The following LHFPL2 variants were observed in gnomAD, a reference collection of about 807,000 sequenced individuals.
LHFPL2 encodes the protein LHFPL tetraspan subfamily member 2, also known as LHFPL tetraspan subfamily member 2 protein.
In LHFPL2, 7 loss-of-function variants were observed where a neutral mutation model predicts 17.5. The observed-to-expected ratio is 0.40, with a 90% CI of 0.23 to 0.75. LHFPL2 has a LOEUF of 0.75. Among genes scored for constraint, LHFPL2 ranks in the 30% least tolerant of loss-of-function variants. LHFPL2 has a pLI of 0.37. For missense variants in LHFPL2, 241 were observed against 294.8 expected (o/e 0.82, Z 1.34); for synonymous variants, 134 against 116.2 (o/e 1.15, Z -0.99).
At position 78,488,803 on chromosome 5, in the gene LHFPL2, G is replaced by A; in HGVS notation, c.*94C>T. On this transcript the variant is annotated 3_prime_UTR_variant, in exon 5 of 5. Transcript: ENST00000380345. ...CGGGCCGTGGAACGTGGCTTTGGTA[G>A]GTAAAGGTTAGTTCTCCACTTGACT... The A allele has an allele frequency of 6.9e-7, 1 of 1,446,668 alleles. No homozygotes were observed. The highest frequency in any genetic ancestry group is 9.4e-7 in the Non-Finnish European group (1 of 1,059,126). The allele number at this position is 1,446,668 out of a possible 1,614,324, so 89.6% of individuals were successfully genotyped here.
chr5:78,645,543 T>TACACATACAC lies in LHFPL2; in HGVS notation c.-350+2955_-350+2956insGTGTATGTGT, dbSNP rs71613976. ...ACCCCAAGATAGACAGACAGATGCA[T>TACACATACAC]ACACACACACACACACACACACACA... On this transcript the variant is annotated intron_variant, in intron 1 of 4. Transcript: ENST00000380345. Among the ~76,000 whole-genome samples, 158 of 137,326 alleles carry TACACATACAC rather than the reference T, an allele frequency of 1.2e-3. 1 individual carries two copies. The highest frequency in any genetic ancestry group is 7.3e-3 in the Middle Eastern group (2 of 274). 90.1% of individuals were successfully genotyped at this position (137,326 alleles called of 152,430 possible). A position where few individuals can be genotyped will look rare whatever the true frequency, so the allele number is the denominator to read the frequency against.
chr5:78,547,029 A>T (rs1302426406), intron 3 of LHFPL2, among the ~76,000 whole-genome samples: 1 of 150,944 alleles, frequency 6.6e-6, no homozygotes, highest in East Asian at 1.9e-4. Flanking sequence ...AAAAAAAAAA[A>T]GTAGGGGGTT....
At chr5:78,519,679 G>C (rs1254490720) in intron 3 of LHFPL2, among the ~76,000 whole-genome samples, 2 of 152,228 alleles carry the variant, frequency 1.3e-5, no homozygotes, top group Non-Finnish European at 1.5e-5. Flanking sequence ...GTTAAAGTAA[G>C]TATCAAGCTT....
At chr5:78,602,342 G>A (rs1026526467) in intron 2 of LHFPL2, among the ~76,000 whole-genome samples, 9 of 152,180 alleles carry the variant, frequency 5.9e-5, no homozygotes, top group Non-Finnish European at 8.8e-5. Context: ...TTGCAAAACC[G>A]AAACAACTTA....
In LHFPL2 at chr5:78,509,844, C is replaced by T. The variant is rs1267863211; in HGVS notation, c.370G>A (p.Val124Ile). 1 of 1,614,022 alleles carries T rather than the reference C, an allele frequency of 6.2e-7. No individual in the cohort carries two copies. The highest frequency in any genetic ancestry group is 8.5e-7 in the Non-Finnish European group (1 of 1,180,058). ...VALVSVFTMC[V>I]QSIMKKSIFN... Reference sequence around the variant, plus strand: ...ATGCTTTTCTTCATGATGCTCTGTACACACATGGTGAAGACGGACACCAAG... The same window carrying T: ...ATGCTTTTCTTCATGATGCTCTGTATACACATGGTGAAGACGGACACCAAG... The change falls in exon 4 of 5, where the codon GTA becomes ATA. Residue 124 changes from valine to isoleucine, a missense_variant. Transcript: ENST00000380345.
At chr5:78,520,832 C>T (rs968470009) in intron 3 of LHFPL2, among the ~76,000 whole-genome samples, 5 of 152,186 alleles carry the variant, frequency 3.3e-5, no homozygotes, top group African/African-American at 7.2e-5. Flanking sequence ...AAATGAGGCC[C>T]CCCTGCCCCG....
At chr5:78,535,647 T>TGCAGTAGGTGGGTGAG (rs1461399758) in intron 3 of LHFPL2, among the ~76,000 whole-genome samples, 4 of 152,178 alleles carry the variant, frequency 2.6e-5, no homozygotes, top group African/African-American at 9.7e-5. Flanking sequence ...ATGCTGATGC[T>TGCAGTAGGTGGGTGAG]GCAGTAGGTG....
rs184680416 is a variant in LHFPL2 at position 78,523,779 on chromosome 5, A to G, written c.-185-13381T>C. On this transcript the variant is annotated intron_variant, in intron 3 of 4. Coordinates refer to ENST00000380345, the MANE Select transcript of LHFPL2 (RefSeq NM_005779.3). ...TCAAAATGTTGCGCGCTGCAGTTTC[A>G]CTAGATTCTCAATTTCTCAACCCCA... Among the ~76,000 whole-genome samples the G allele has an allele frequency of 3.1e-4, 47 of 152,328 alleles. No individual in the cohort carries two copies. The East Asian group carries it at 8.3e-3, about 27-fold the overall frequency.
At chr5:78,576,088 T>G (rs200191400) in intron 2 of LHFPL2, among the ~76,000 whole-genome samples, 38 of 151,050 alleles carry the variant, frequency 2.5e-4, no homozygotes, top group Admixed American at 2.1e-3. Context: ...GAGGTCAGGA[T>G]ATCGAGACCA....
intron 3 of LHFPL2, among the ~76,000 whole-genome samples, chr5:78,550,564 T>A (rs368692518): frequency 4.0e-5 from 6 of 150,660 alleles, no homozygotes; most frequent in African/African-American, 1.2e-4. Flanking sequence ...TTTTATTTAT[T>A]TTTATTTATT....
chr5:78,496,230 C>T (rs181777297), intron 4 of LHFPL2, among the ~76,000 whole-genome samples: 1 of 152,310 alleles, frequency 6.6e-6, no homozygotes, highest in East Asian at 1.9e-4. Context: ...TCTCCCACAC[C>T]CAGCACACTT....
chr5:78,640,296 C>G (rs141485751), intron 1 of LHFPL2, among the ~76,000 whole-genome samples: 2 of 152,300 alleles, frequency 1.3e-5, no homozygotes, highest in African/African-American at 4.8e-5. Context: ...AAACACCTCT[C>G]AAATCACACT....
chr5:78,529,489 G>C lies in LHFPL2; in HGVS notation c.-185-19091C>G, dbSNP rs1054626854. On this transcript the variant is annotated intron_variant, in intron 3 of 4. Coordinates refer to ENST00000380345, the MANE Select transcript of LHFPL2 (RefSeq NM_005779.3). ...ACACATTGCCCCTGGAAAGCATTTT[G>C]CAGCCTAGCAGTAACAGGGGGTTGG... Among the ~76,000 whole-genome samples the C allele has an allele frequency of 2.0e-5, 3 of 152,192 alleles. No homozygotes were observed. The South Asian group carries it at 6.2e-4, about 32-fold the overall frequency.
intron 3 of LHFPL2, among the ~76,000 whole-genome samples, chr5:78,541,183 A>G (rs1412785396): frequency 2.6e-5 from 4 of 151,840 alleles, no homozygotes; most frequent in South Asian, 2.1e-4. Flanking sequence ...TTCACCCCAG[A>G]CTCTAAATCC....
chr5:78,513,685 T>A (rs933193724), intron 3 of LHFPL2, among the ~76,000 whole-genome samples: 2 of 152,176 alleles, frequency 1.3e-5, no homozygotes, highest in Admixed American at 6.5e-5. Flanking sequence ...GTTCTCATGG[T>A]AGTGAATAAG....
intron 2 of LHFPL2, among the ~76,000 whole-genome samples, chr5:78,588,358 C>G (rs1580836911): frequency 3.9e-5 from 6 of 152,154 alleles, no homozygotes; most frequent in Admixed American, 1.3e-4. Context: ...AATTTAACAG[C>G]AAACATTTCT....
intron 2 of LHFPL2, among the ~76,000 whole-genome samples, chr5:78,623,233 G>A (rs1744919316): frequency 6.6e-6 from 1 of 152,132 alleles, no homozygotes; most frequent in African/African-American, 2.4e-5. Flanking sequence ...AGAAAACCAC[G>A]AATATGAACC....
intron 3 of LHFPL2, among the ~76,000 whole-genome samples, chr5:78,525,972 A>T (rs1755611282): frequency 6.6e-6 from 1 of 152,172 alleles, no homozygotes. Context: ...GCTTCTTCCT[A>T]TCTGAGCCTG....
chr5:78,516,156 C>A lies in LHFPL2; in HGVS notation c.-185-5758G>T, dbSNP rs79593161. Among the ~76,000 whole-genome samples the A allele has an allele frequency of 9.7e-3, 1,480 of 152,262 alleles. 30 individuals are homozygous for A. The highest frequency in any genetic ancestry group is 0.033 in the African/African-American group (1,387 of 41,540). On this transcript the variant is annotated intron_variant, in intron 3 of 4. Coordinates refer to ENST00000380345, the MANE Select transcript of LHFPL2 (RefSeq NM_005779.3). Reference sequence around the variant, plus strand: ...GGAGGTTTTGAAACTCTCATTCTGGCCACCCCGTAAAACACATTCACTACA... The same window carrying A: ...GGAGGTTTTGAAACTCTCATTCTGGACACCCCGTAAAACACATTCACTACA...
Sources: gnomAD v4.1 joint callset for allele counts (sites outside exome capture counted in the v4.1 genomes callset) on GRCh38, gnomAD v4.1.1 for gene constraint, MANE v1.5 for transcripts, NCBI Gene and HGNC (gene_info 2026-07-23, HGNC 2026-07-21) for gene names.